Variants in ANGPTL2 observed in about 807,000 individuals in gnomAD.
ANGPTL2 encodes angiopoietin like 2.
ANGPTL2 carries 25 observed loss-of-function variants against 52.8 expected under a neutral mutation model. That is an observed-to-expected ratio of 0.47 (90% CI 0.35 to 0.66). The LOEUF is 0.66. ANGPTL2 is among the 30% of genes least tolerant of loss of function. The probability of loss-of-function intolerance (pLI) is 0.01; values close to 1 mark genes in which losing one functional copy is unlikely to be tolerated. For missense variants in ANGPTL2, 546 were observed against 656.9 expected (o/e 0.83, Z 1.84); for synonymous variants, 276 against 277.4 (o/e 1.00, Z 0.05).
intron 1 of ANGPTL2, among the ~76,000 whole-genome samples, chr9:127,115,162 A>G (rs1322035667): frequency 2.0e-5 from 3 of 151,994 alleles, no homozygotes; most frequent in African/African-American, 7.3e-5. Context: ...GCCCCAGTTG[A>G]GGTCTGTTGT....
At chr9:127,114,818 C>T (rs561076389) in intron 1 of ANGPTL2, among the ~76,000 whole-genome samples, 2 of 152,368 alleles carry the variant, frequency 1.3e-5, no homozygotes, top group Admixed American at 6.5e-5. Flanking sequence ...AGCTAGAAGC[C>T]TGAGCTGTGC....
intron 2 of ANGPTL2, among the ~76,000 whole-genome samples, chr9:127,104,001 T>C (rs1192773569): frequency 6.6e-6 from 1 of 152,176 alleles, no homozygotes; most frequent in East Asian, 1.9e-4. Flanking sequence ...AACCTCAATA[T>C]CCTGCAAGGT....
At position 127,091,784 on chromosome 9, in the gene ANGPTL2, T is replaced by A; in HGVS notation, c.1168A>T (p.Ser390Cys). Residue 390 changes from serine (S) to cysteine (C), a missense_variant, in exon 4 of 5, where the codon AGC becomes TGC. This residue lies in a region of ANGPTL2 where 261 missense variants were observed against 361.0 expected (regional missense o/e 0.72). Transcript: ENST00000373425. This position sits in a 1 kb window ranked among gnomAD's most constrained non-coding sequence, Gnocchi z 4.3. ...EYASFRLEPE[S>C]EYYKLRLGRY... ...CCCAGCCGCAGCTTATAATACTCGC[T>A]CTCAGGTTCCAGGCGGAAACTGGCG... 6.2e-7 allele frequency: 1 copy of A among 1,614,162 alleles called. No individual in the cohort carries two copies. The highest frequency in any genetic ancestry group is 8.5e-7 in the Non-Finnish European group (1 of 1,180,026).
intron 3 of ANGPTL2, among the ~76,000 whole-genome samples, chr9:127,093,054 C>G (rs750475047): frequency 6.6e-6 from 1 of 152,104 alleles, no homozygotes; most frequent in Non-Finnish European, 1.5e-5. Context: ...GAGGTTGATA[C>G]GAGATTAAAC....
Position 127,108,207 on chromosome 9 carries a change from C to T in ANGPTL2, c.525G>A (p.Lys175=). 1 of 1,614,122 alleles carries T rather than the reference C, an allele frequency of 6.2e-7. No homozygotes were observed. The highest frequency in any genetic ancestry group is 8.5e-7 in the Non-Finnish European group (1 of 1,180,016). Residue 175 remains lysine (K), a synonymous_variant, in exon 2 of 5, where the codon AAG becomes AAA. Coordinates refer to ENST00000373425, the MANE Select transcript of ANGPTL2 (RefSeq NM_012098.3). ...QTADMLQLAS[K]YKDLEHKYQH... ...GGTACTTGTGCTCCAGGTCCTTGTA[C>T]TTGCTGGCCAGCTGCAGCATGTCGG...
chr9:127,095,291 G>A (rs566794049), intron 2 of ANGPTL2, among the ~76,000 whole-genome samples: 5 of 152,200 alleles, frequency 3.3e-5, no homozygotes, highest in East Asian at 1.9e-4. Context: ...CCAGCTACCC[G>A]GGAGGGTGAG....
intron 2 of ANGPTL2, among the ~76,000 whole-genome samples, chr9:127,095,087 G>A (rs2052956410): frequency 6.6e-6 from 1 of 152,210 alleles, no homozygotes. Context: ...ATCACATTTT[G>A]CTTCAGTCTC....
chr9:127,115,371 G>C (rs1197547651), intron 1 of ANGPTL2, among the ~76,000 whole-genome samples: 2 of 152,126 alleles, frequency 1.3e-5, no homozygotes, highest in Non-Finnish European at 2.9e-5. Flanking sequence ...TGTATTTTTA[G>C]TAGAGACAGG....
At chr9:127,095,255 G>A (rs769151601) in intron 2 of ANGPTL2, among the ~76,000 whole-genome samples, 9 of 152,094 alleles carry the variant, frequency 5.9e-5, no homozygotes, top group Non-Finnish European at 1.0e-4. Context: ...AAAATTAGCC[G>A]TGTGTGGTGG....
chr9:127,094,004 A>C (rs762466650), intron 2 of ANGPTL2, 78 bp from the exon 3 acceptor site: 43 of 1,521,450 alleles, frequency 2.8e-5, no homozygotes, highest in Non-Finnish European at 3.7e-5. Flanking sequence ...CCAAGCAGGC[A>C]CAACCTCTGT....
At chr9:127,093,414 C>T (rs200064925) in intron 3 of ANGPTL2, among the ~76,000 whole-genome samples, 1 of 152,144 alleles carries the variant, frequency 6.6e-6, no homozygotes, top group East Asian at 1.9e-4. Context: ...ATGCTCCTCA[C>T]CCCTGGGCCC....
chr9:127,097,384 G>T (rs1190736389), intron 2 of ANGPTL2, among the ~76,000 whole-genome samples: 2 of 152,232 alleles, frequency 1.3e-5, no homozygotes, highest in African/African-American at 4.8e-5. Flanking sequence ...ATGTGCATAT[G>T]TGTCTGTACA....
At chr9:127,116,134 G>A (rs1420752066) in intron 1 of ANGPTL2, among the ~76,000 whole-genome samples, 1 of 152,188 alleles carries the variant, frequency 6.6e-6, no homozygotes, top group Non-Finnish European at 1.5e-5. Flanking sequence ...GCTACTACCT[G>A]TCATGGGTGA....
chr9:127,116,487 G>A (rs890946845), intron 1 of ANGPTL2, among the ~76,000 whole-genome samples: 13 of 152,228 alleles, frequency 8.5e-5, no homozygotes, highest in African/African-American at 2.2e-4. Flanking sequence ...GAGCAGAGGC[G>A]GGGAAGAGTC....
chr9:127,108,222 C>A lies in ANGPTL2; in HGVS notation c.510G>T (p.Leu170=). The A allele has an allele frequency of 6.2e-7, 1 of 1,614,074 alleles. No individual in the cohort carries two copies. Among genetic ancestry groups the A allele is most frequent in the Non-Finnish European group, 8.5e-7 (1 of 1,180,018 alleles). ...GGTCCTTGTACTTGCTGGCCAGCTGCAGCATGTCGGCTGTCTGGTTCAGGA... is the reference window on the plus strand; with the variant it reads ...GGTCCTTGTACTTGCTGGCCAGCTGAAGCATGTCGGCTGTCTGGTTCAGGA... ...NRILNQTADM[L]QLASKYKDLE... Residue 170 remains leucine (L), a synonymous_variant, in exon 2 of 5, where the codon CTG becomes CTT. Coordinates refer to ENST00000373425, the MANE Select transcript of ANGPTL2 (RefSeq NM_012098.3).
intron 2 of ANGPTL2, among the ~76,000 whole-genome samples, chr9:127,096,088 AG>A (rs912605573): frequency 2.6e-5 from 4 of 152,152 alleles, no homozygotes; most frequent in African/African-American, 9.7e-5. Context: ...TCCCCACCCC[AG>A]GGTAGCAGAT....
intron 1 of ANGPTL2, among the ~76,000 whole-genome samples, chr9:127,116,552 T>G (rs993514249): frequency 1.3e-5 from 2 of 152,294 alleles, no homozygotes; most frequent in South Asian, 4.2e-4. Flanking sequence ...TTTCCGGCAG[T>G]GCCTAGTGTG....
At chr9:127,103,113 G>C (rs562840818) in intron 2 of ANGPTL2, among the ~76,000 whole-genome samples, 1 of 152,352 alleles carries the variant, frequency 6.6e-6, no homozygotes, top group South Asian at 2.1e-4. Context: ...TTTTCACCTG[G>C]TTGCTTGCTT....
chr9:127,101,549 A>C (rs564621041), intron 2 of ANGPTL2, among the ~76,000 whole-genome samples: 1 of 152,200 alleles, frequency 6.6e-6, no homozygotes, highest in African/African-American at 2.4e-5. Context: ...CCCCTTTGCT[A>C]CCTTCATTCT....
Sources: gnomAD v4.1 joint callset for allele counts (sites outside exome capture counted in the v4.1 genomes callset) on GRCh38, gnomAD v4.1.1 for gene constraint, gnomAD v4.1.1 regional missense constraint, Gnocchi (gnomAD v3.1) non-coding constraint, MANE v1.5 for transcripts, NCBI Gene and HGNC (gene_info 2026-07-23, HGNC 2026-07-21) for gene names.